Variants in PPM1L observed in about 807,000 individuals in gnomAD.
The protein encoded by PPM1L is protein phosphatase 1L.
PPM1L carries 13 observed loss-of-function variants against 31.4 expected under a neutral mutation model. The observed-to-expected ratio is 0.41, with a 90% CI of 0.27 to 0.66. PPM1L has a LOEUF of 0.66. PPM1L is among the 30% of genes least tolerant of loss of function. The probability of loss-of-function intolerance (pLI) is 0.29; values close to 1 mark genes in which losing one functional copy is unlikely to be tolerated. For synonymous variants in PPM1L, 184 were observed against 175.4 expected, an observed-to-expected ratio of 1.05 and a Z score of -0.39; for missense variants, 326 against 453.7, an observed-to-expected ratio of 0.72 and a Z score of 2.56.
intron 2 of PPM1L, among the ~76,000 whole-genome samples, chr3:161,041,892 A>G (rs1384406966): frequency 6.6e-6 from 1 of 152,208 alleles, no homozygotes; most frequent in Non-Finnish European, 1.5e-5. Context: ...TTTGACATAT[A>G]TTTGGACTCA....
At chr3:160,911,430 C>T (rs1054877505) in intron 1 of PPM1L, among the ~76,000 whole-genome samples, 21 of 152,162 alleles carry the variant, frequency 1.4e-4, no homozygotes. Context: ...AGCAAATGCA[C>T]CTTCTTCCTT....
At chr3:160,994,066 G>A (rs2108046149) in intron 2 of PPM1L, among the ~76,000 whole-genome samples, 1 of 151,934 alleles carries the variant, frequency 6.6e-6, no homozygotes, top group East Asian at 1.9e-4. Context: ...ATAGGGGGGT[G>A]GGGGCGGATA....
chr3:160,824,378 T>A (rs1051594874), intron 1 of PPM1L, among the ~76,000 whole-genome samples: 1 of 152,152 alleles, frequency 6.6e-6, no homozygotes, highest in Non-Finnish European at 1.5e-5. Flanking sequence ...GGTACTTTGT[T>A]ATAGCAGCCT....
chr3:160,977,607 A>C (rs1441452847), intron 2 of PPM1L, among the ~76,000 whole-genome samples: 2 of 152,184 alleles, frequency 1.3e-5, no homozygotes, highest in African/African-American at 2.4e-5. Flanking sequence ...AGGAAGTAAC[A>C]CAAATTATAT....
intron 1 of PPM1L, among the ~76,000 whole-genome samples, chr3:160,846,585 A>G (rs1490560371): frequency 6.6e-6 from 1 of 152,154 alleles, no homozygotes; most frequent in African/African-American, 2.4e-5. Flanking sequence ...GTGTCCTGTT[A>G]TCTAGATTAG....
At chr3:160,989,816 T>G (rs1022888893) in intron 2 of PPM1L, among the ~76,000 whole-genome samples, 1 of 151,404 alleles carries the variant, frequency 6.6e-6, no homozygotes, top group Non-Finnish European at 1.5e-5. Context: ...TACCCCACTA[T>G]GCCCAGCTGA....
chr3:160,872,157 T>C (rs1712331026), intron 1 of PPM1L, among the ~76,000 whole-genome samples: 1 of 152,172 alleles, frequency 6.6e-6, no homozygotes, highest in Admixed American at 6.5e-5. Flanking sequence ...AAGAAGTACA[T>C]GTTGGCCATT....
chr3:160,883,603 C>A (rs1381902770), intron 1 of PPM1L, among the ~76,000 whole-genome samples: 1 of 152,088 alleles, frequency 6.6e-6, no homozygotes, highest in Non-Finnish European at 1.5e-5. Context: ...AAAAATAGAA[C>A]TTTTATGCTG....
chr3:160,911,992 A>G (rs574504721), intron 1 of PPM1L, among the ~76,000 whole-genome samples: 37 of 152,320 alleles, frequency 2.4e-4, no homozygotes, highest in African/African-American at 8.9e-4. Flanking sequence ...AGGCTTCTCA[A>G]TTTGTGAGAT....
At chr3:160,898,499 T>A (rs1409100829) in intron 1 of PPM1L, among the ~76,000 whole-genome samples, 1 of 152,174 alleles carries the variant, frequency 6.6e-6, no homozygotes, top group African/African-American at 2.4e-5. Flanking sequence ...AAAGGATTCC[T>A]AACAAGTTAT....
chr3:160,835,192 G>A (rs1214826303), intron 1 of PPM1L, among the ~76,000 whole-genome samples: 2 of 113,002 alleles, frequency 1.8e-5, no homozygotes, highest in African/African-American at 6.5e-5. Flanking sequence ...TTGAGTGTTT[G>A]GGAGGAGTAC....
rs905424603 is a variant in PPM1L, at chr3:160,762,306, AT to A, written c.399+5608del. Among the ~76,000 whole-genome samples the A allele has an allele frequency of 1.3e-4, 20 of 151,744 alleles. No homozygotes were observed. The South Asian group carries it at 2.9e-3, about 22-fold the overall frequency. On this transcript the variant is annotated intron_variant, in intron 1 of 3. Transcript: ENST00000498165. ...TGGCACATTAAAGTTTCTGCAAAAA[AT>A]TTTTTTTTCAATGAAACCCTCCTTC...
At position 160,857,443 on chromosome 3, in the gene PPM1L, T is replaced by A. The variant is rs548816151; in HGVS notation, c.399+100736T>A. Among the ~76,000 whole-genome samples the A allele has an allele frequency of 3.1e-4, 47 of 152,338 alleles. No homozygotes were observed. In the South Asian group the frequency reaches 5.8e-3, roughly 19 times the overall value. Reference sequence around the variant, plus strand: ...GTTGGATAATCCAGATCAGACTTTGTGACTAGGAGCTGTAAGTAAGGTGGC... The same window carrying A: ...GTTGGATAATCCAGATCAGACTTTGAGACTAGGAGCTGTAAGTAAGGTGGC... On this transcript the variant is annotated intron_variant, in intron 1 of 3. Coordinates refer to ENST00000498165, the MANE Select transcript of PPM1L (RefSeq NM_139245.4).
intron 1 of PPM1L, among the ~76,000 whole-genome samples, chr3:160,860,937 T>C (rs1041552659): frequency 6.6e-6 from 1 of 152,184 alleles, no homozygotes; most frequent in Non-Finnish European, 1.5e-5. Context: ...CCTCCAAATA[T>C]CATCACATTA....
chr3:160,905,519 G>A (rs1713726752), intron 1 of PPM1L, among the ~76,000 whole-genome samples: 1 of 152,194 alleles, frequency 6.6e-6, no homozygotes, highest in Non-Finnish European at 1.5e-5. Flanking sequence ...TATTAGATCA[G>A]TAAGTTTTAG....
chr3:161,054,544 G>A (rs141654280), intron 2 of PPM1L, among the ~76,000 whole-genome samples: 189 of 152,154 alleles, frequency 1.2e-3, no homozygotes, highest in African/African-American at 4.4e-3. Context: ...GTAGTAAAGG[G>A]TCTTGATGAA....
At chr3:160,975,784 G>T (rs1716548160) in intron 2 of PPM1L, among the ~76,000 whole-genome samples, 1 of 151,854 alleles carries the variant, frequency 6.6e-6, no homozygotes, top group African/African-American at 2.4e-5. Context: ...CTGAGACAAT[G>T]GGGTTTTCTA....
In PPM1L at chr3:161,076,848, A is replaced by G. The variant is rs1720116803; in HGVS notation, c.*7691A>G. 1 of 152,074 alleles carries G rather than the reference A, an allele frequency of 6.6e-6. No homozygotes were observed. The highest frequency in any genetic ancestry group is 2.1e-4 in the South Asian group (1 of 4,834). The allele number at this position is 152,074 out of a possible 1,614,324, so 9.4% of individuals were successfully genotyped here. A position where few individuals can be genotyped will look rare whatever the true frequency, so the allele number is the denominator to read the frequency against. On this transcript the variant is annotated 3_prime_UTR_variant, in exon 4 of 4. Transcript: ENST00000498165. Reference sequence around the variant, plus strand: ...TACATAATTTGTATAAGGAAAATGTATGAGTTTTTTTCTTAAAAATAAATA... The same window carrying G: ...TACATAATTTGTATAAGGAAAATGTGTGAGTTTTTTTCTTAAAAATAAATA...
Position 161,074,445 on chromosome 3 carries a change from C to CTT in PPM1L, c.*5289_*5290dup, listed in dbSNP as rs57098319. The CTT allele has an allele frequency of 1.5e-3, 221 of 152,294 alleles. No homozygotes were observed. The highest frequency in any genetic ancestry group is 4.9e-3 in the African/African-American group (203 of 41,566). The allele number at this position is 152,294 out of a possible 1,614,324, so 9.4% of individuals were successfully genotyped here. ...AGTGAATTAAGGCAAAAGTCATTAA[C>CTT]TTAAAATTACATCCAATATTTAGGA... is the stretch of plus-strand genomic sequence containing the variant. On this transcript the variant is annotated 3_prime_UTR_variant, in exon 4 of 4. Coordinates refer to ENST00000498165, the MANE Select transcript of PPM1L (RefSeq NM_139245.4).
Sources: gnomAD v4.1 joint callset for allele counts (sites outside exome capture counted in the v4.1 genomes callset) on GRCh38, gnomAD v4.1.1 for gene constraint, MANE v1.5 for transcripts, NCBI Gene and HGNC (gene_info 2026-07-23, HGNC 2026-07-21) for gene names.